The following MYCBP2 variants were observed in gnomAD, a reference collection of about 807,000 sequenced individuals.
The protein encoded by MYCBP2 is MYC binding protein 2.
Under a neutral mutation model 525.3 loss-of-function variants are expected in MYCBP2, and 120 were observed. The ratio of observed to expected loss-of-function variants is 0.23; its 90% confidence interval spans 0.20 to 0.27. The LOEUF is 0.27. Among genes scored for constraint, MYCBP2 ranks in the 10% least tolerant of loss-of-function variants. MYCBP2 has a pLI of 1.00. For missense variants in MYCBP2, 4,149 were observed against 5,657.1 expected, an observed-to-expected ratio of 0.73 and a Z score of 8.55; for synonymous variants, 1,894 against 1,955.8, an observed-to-expected ratio of 0.97 and a Z score of 0.83.
chr13:77,235,113 T>C (rs1035644813), intron 17 of MYCBP2, among the ~76,000 whole-genome samples: 1 of 152,110 alleles, frequency 6.6e-6, no homozygotes, highest in Non-Finnish European at 1.5e-5. Flanking sequence ...CTGATTATCT[T>C]TTATTTAGCA....
At chr13:77,314,014 C>A (rs565308462) in intron 1 of MYCBP2, among the ~76,000 whole-genome samples, 8 of 151,742 alleles carry the variant, frequency 5.3e-5, no homozygotes, top group Admixed American at 3.9e-4. Context: ...CAAATGTTGG[C>A]GAGGCTTTAA....
At chr13:77,270,275 A>C in intron 6 of MYCBP2, 21 bp downstream of exon 6, 1 of 1,591,460 alleles carries the variant, frequency 6.3e-7, no homozygotes, top group South Asian at 1.1e-5. Context: ...ATAATTAAGG[A>C]ACTGTAAGGA....
chr13:77,243,007 T>A, intron 17 of MYCBP2, 52 bp downstream of exon 17: 1 of 1,470,298 alleles, frequency 6.8e-7, no homozygotes, highest in South Asian at 1.2e-5. Flanking sequence ...GGTTTCAGGA[T>A]AGGGTAGGAA....
At chr13:77,052,573 T>C (rs2037047109) in intron 80 of MYCBP2, among the ~76,000 whole-genome samples, 1 of 152,258 alleles carries the variant, frequency 6.6e-6, no homozygotes, top group African/African-American at 2.4e-5. Flanking sequence ...CAAAAAAGTA[T>C]AATATTCCAA....
chr13:77,148,973 T>C (rs2056060722), intron 47 of MYCBP2, among the ~76,000 whole-genome samples: 1 of 152,148 alleles, frequency 6.6e-6, no homozygotes, highest in Non-Finnish European at 1.5e-5. Context: ...AGGCCAATGC[T>C]ACCACTTGAG....
rs114670016 is a variant in MYCBP2 at position 77,264,403 on chromosome 13, G to A, written c.1358-401C>T. Reference sequence around the variant, plus strand: ...AGTCATTAGTGTCACAGAAAAATACGACCTAAAGCTTCTGTATTTGACATC... The same window carrying A: ...AGTCATTAGTGTCACAGAAAAATACAACCTAAAGCTTCTGTATTTGACATC... On this transcript the variant is annotated intron_variant, in intron 8 of 82. Transcript: ENST00000544440. 8.9e-3 allele frequency among the ~76,000 whole-genome samples: 1,355 copies of A among 152,092 alleles called. 21 individuals are homozygous for A. The highest frequency in any genetic ancestry group is 0.03 in the African/African-American group (1,257 of 41,500).
At chr13:77,242,154 G>A (rs1032066351) in intron 17 of MYCBP2, among the ~76,000 whole-genome samples, 2 of 151,648 alleles carry the variant, frequency 1.3e-5, no homozygotes, top group Non-Finnish European at 2.9e-5. Context: ...TCACTCTGTC[G>A]CCAGGCTGGA....
At chr13:77,064,345 C>A (rs1311805423) in intron 73 of MYCBP2, among the ~76,000 whole-genome samples, 2 of 152,198 alleles carry the variant, frequency 1.3e-5, no homozygotes, top group African/African-American at 4.8e-5. Flanking sequence ...AACACGCAAA[C>A]AATGTACAAT....
At chr13:77,192,422 AG>A (rs2061374295) in intron 27 of MYCBP2, among the ~76,000 whole-genome samples, 1 of 152,238 alleles carries the variant, frequency 6.6e-6, no homozygotes, top group Non-Finnish European at 1.5e-5. Context: ...TTATTAATTT[AG>A]AAGAAGAAAA....
intron 69 of MYCBP2, among the ~76,000 whole-genome samples, chr13:77,070,417 T>C (rs915694516): frequency 6.6e-6 from 1 of 152,138 alleles, no homozygotes; most frequent in Admixed American, 6.5e-5. Context: ...TTTTTTTTCT[T>C]GCAATTTTTT....
At chr13:77,088,697 C>T (rs749877992) in intron 61 of MYCBP2, 135 bp downstream of exon 61, 2 of 649,416 alleles carry the variant, frequency 3.1e-6, no homozygotes, top group Non-Finnish European at 5.0e-6. Flanking sequence ...TTTATAGGAA[C>T]ACTTAATACT....
chr13:77,068,455 C>G (rs956450088), intron 70 of MYCBP2, 110 bp downstream of exon 70: 3 of 1,303,168 alleles, frequency 2.3e-6, no homozygotes, highest in Non-Finnish European at 3.1e-6. Flanking sequence ...TAACAAAATA[C>G]GAAATAAAAA....
chr13:77,220,297 G>T (rs1211551240), intron 20 of MYCBP2, among the ~76,000 whole-genome samples: 1 of 152,030 alleles, frequency 6.6e-6, no homozygotes, highest in Non-Finnish European at 1.5e-5. Context: ...TAAAGTCAAA[G>T]GGAAATAAAG....
chr13:77,224,398 G>A (rs1048567907), intron 20 of MYCBP2, 53 bp downstream of exon 20: 7 of 1,123,254 alleles, frequency 6.2e-6, no homozygotes, highest in Non-Finnish European at 9.3e-6. Flanking sequence ...AGAAGGAAAA[G>A]AAAACAGAAG....
chr13:77,159,628 G>C (rs1312138952), intron 44 of MYCBP2, among the ~76,000 whole-genome samples: 2 of 152,098 alleles, frequency 1.3e-5, no homozygotes, highest in African/African-American at 4.8e-5. Flanking sequence ...TACAATATCT[G>C]GTTGTTTGAT....
chr13:77,205,623 T>A, intron 24 of MYCBP2, 25 bp from the exon 25 acceptor site: 1 of 1,598,868 alleles, frequency 6.3e-7, no homozygotes, highest in Admixed American at 1.8e-5. Context: ...AAACAAAATT[T>A]AACTCCTTGA....
chr13:77,158,646 C>G (rs532106180), intron 44 of MYCBP2, among the ~76,000 whole-genome samples: 10 of 152,200 alleles, frequency 6.6e-5, no homozygotes, highest in African/African-American at 1.9e-4. Flanking sequence ...TGGGGTCTTG[C>G]TATGTTGCCC....
At position 77,177,914 on chromosome 13, in the gene MYCBP2, G is replaced by A. The variant is rs758622464; in HGVS notation, c.5174C>T (p.Ala1725Val). The A allele has an allele frequency of 1.3e-5, 21 of 1,613,114 alleles. No individual in the cohort carries two copies. The highest frequency in any genetic ancestry group is 1.7e-5 in the Non-Finnish European group (20 of 1,179,098). ...LNSLHSVKAS[A>V]NRFTKTSQGR... ...CTGACTTGTTTTTGTAAATCGGTTA[G>A]CACTAGCTTTTACAGAGTGAAGAGA... The change falls in exon 35 of 83, where the codon GCT (alanine) becomes GTT (valine). Residue 1725 changes from alanine (A) to valine (V), a missense_variant. By Grantham distance (64) the Ala-to-Val change is moderately conservative (BLOSUM62 0). Coordinates refer to ENST00000544440, the MANE Select transcript of MYCBP2 (RefSeq NM_015057.5).
intron 1 of MYCBP2, among the ~76,000 whole-genome samples, chr13:77,325,449 G>T (rs751113009): frequency 2.2e-4 from 34 of 152,098 alleles, no homozygotes; most frequent in Non-Finnish European, 4.4e-4. Flanking sequence ...GCATGTAAGG[G>T]CATGGAAAAG....
Sources: gnomAD v4.1 joint callset for allele counts (sites outside exome capture counted in the v4.1 genomes callset) on GRCh38, gnomAD v4.1.1 for gene constraint, MANE v1.5 for transcripts, NCBI Gene and HGNC (gene_info 2026-07-23, HGNC 2026-07-21) for gene names.